Variants in PRPH2 observed in about 807,000 individuals in gnomAD.
PRPH2 encodes the protein peripherin 2.
Under a neutral mutation model 31.3 loss-of-function variants are expected in PRPH2, and 17 were observed. The observed-to-expected ratio is 0.54, with a 90% CI of 0.37 to 0.81. The LOEUF is 0.81. PRPH2 is among the 40% of genes least tolerant of loss of function. PRPH2 has a pLI of 0.00. For synonymous variants in PRPH2, 165 were observed against 184.4 expected, an observed-to-expected ratio of 0.89 and a Z score of 0.85; for missense variants, 430 against 439.7, an observed-to-expected ratio of 0.98 and a Z score of 0.20.
At chr6:42,717,674 T>A (rs1420479190) in intron 1 of PRPH2, among the ~76,000 whole-genome samples, 1 of 152,076 alleles carries the variant, frequency 6.6e-6, no homozygotes, top group Non-Finnish European at 1.5e-5. Flanking sequence ...AGAAAAAATT[T>A]TTTAGTTTTC....
At chr6:42,718,566 G>C (rs1352299652) in intron 1 of PRPH2, among the ~76,000 whole-genome samples, 1 of 152,086 alleles carries the variant, frequency 6.6e-6, no homozygotes, top group Non-Finnish European at 1.5e-5. Flanking sequence ...GGAAGAACAC[G>C]TAGCCCACTG....
At chr6:42,712,488 T>C (rs554419503) in intron 1 of PRPH2, among the ~76,000 whole-genome samples, 2 of 152,316 alleles carry the variant, frequency 1.3e-5, no homozygotes, top group Admixed American at 6.5e-5. Context: ...AAGGAAAGTA[T>C]GTCCAGGATT....
intron 1 of PRPH2, among the ~76,000 whole-genome samples, chr6:42,707,127 TG>T (rs1800183245): frequency 6.6e-6 from 1 of 152,106 alleles, no homozygotes; most frequent in South Asian, 2.1e-4. Context: ...CTGGAACTCC[TG>T]ATCTCGAGTG....
intron 2 of PRPH2, among the ~76,000 whole-genome samples, chr6:42,699,047 CTTTTTTTTTTTT>C (rs759173553): frequency 7.8e-5 from 3 of 38,552 alleles, no homozygotes; most frequent in African/African-American, 1.9e-4. Flanking sequence ...TGTGGTACTT[CTTTTTTTTTTTT>C]TTTTTTTTTT....
At chr6:42,715,054 C>CA (rs1761749154) in intron 1 of PRPH2, among the ~76,000 whole-genome samples, 1 of 151,722 alleles carries the variant, frequency 6.6e-6, no homozygotes, top group Non-Finnish European at 1.5e-5. Context: ...ACTAAAAATA[C>CA]AAAAATTAGC....
rs761246991 is a variant in PRPH2 at position 42,722,252 on chromosome 6, A to G, written c.83T>C (p.Val28Ala). ...QGLWLMNWFS[V>A]LAGIIIFSLG... Reference sequence around the variant, plus strand: ...GCTGAAGATGATGATGCCAGCCAACACGGAGAACCAGTTCATGAGCCAGAG... The same window carrying G: ...GCTGAAGATGATGATGCCAGCCAACGCGGAGAACCAGTTCATGAGCCAGAG... The change falls in exon 1 of 3, where the codon GTG becomes GCG. Residue 28 changes from valine to alanine, a missense_variant. Val to Ala is a moderately conservative substitution (Grantham distance 64). Coordinates refer to ENST00000230381, the MANE Select transcript of PRPH2 (RefSeq NM_000322.5). This position sits in a 1 kb window ranked among gnomAD's most constrained non-coding sequence, Gnocchi z 4.4. 6.2e-7 allele frequency: 1 copy of G among 1,614,188 alleles called. No homozygotes were observed. Among genetic ancestry groups the G allele is most frequent in the South Asian group, 1.1e-5 (1 of 91,082 alleles).
In PRPH2 at chr6:42,696,883, A is replaced by G. The variant is rs189840000; in HGVS notation, c.*1412T>C. The stretch of plus-strand genomic sequence containing the variant: ...CTTGGGGGAATTAAGCCCAGAACAT[A>G]CCCCAGCAGCACCAGAAGTCTTATT... On this transcript the variant is annotated 3_prime_UTR_variant, in exon 3 of 3. Transcript: ENST00000230381. 2 of 151,878 alleles carry G rather than the reference A, an allele frequency of 1.3e-5. No homozygotes were observed. The highest frequency in any genetic ancestry group is 1.5e-5 in the Non-Finnish European group (1 of 67,970). The allele number at this position is 151,878 out of a possible 1,614,324, so 9.4% of individuals were successfully genotyped here. A position where few individuals can be genotyped will look rare whatever the true frequency, so the allele number is the denominator to read the frequency against.
At chr6:42,710,226 G>A (rs1164779149) in intron 1 of PRPH2, among the ~76,000 whole-genome samples, 3 of 151,990 alleles carry the variant, frequency 2.0e-5, no homozygotes, top group African/African-American at 7.3e-5. Flanking sequence ...TGAGGACGGG[G>A]CTGTGTCTCC....
At chr6:42,706,285 G>A (rs2152005985) in intron 1 of PRPH2, among the ~76,000 whole-genome samples, 2 of 152,042 alleles carry the variant, frequency 1.3e-5, no homozygotes, top group Middle Eastern at 6.8e-3. Context: ...GGCTCTTGTA[G>A]TCCCAGATAC....
chr6:42,719,182 T>C (rs894301091), intron 1 of PRPH2, among the ~76,000 whole-genome samples: 2 of 144,076 alleles, frequency 1.4e-5, no homozygotes, highest in Non-Finnish European at 3.1e-5. Context: ...TTTTTTTTTT[T>C]CTTTGAGATC....
At chr6:42,707,524 A>C (rs1422702555) in intron 1 of PRPH2, among the ~76,000 whole-genome samples, 1 of 152,152 alleles carries the variant, frequency 6.6e-6, no homozygotes, top group African/African-American at 2.4e-5. Flanking sequence ...AGCCATGCTC[A>C]GGAGAACCTG....
At position 42,698,472 on chromosome 6, in the gene PRPH2, C is replaced by T. The variant is rs776760107; in HGVS notation, c.864G>A (p.Thr288=). 1.4e-5 allele frequency: 23 copies of T among 1,614,052 alleles called. No homozygotes were observed. In the South Asian group the frequency reaches 1.6e-4, roughly 12 times the overall value. ...TITIGLRYLQ[T]SLDGVSNPEE... is the part of the protein sequence containing the mutation. ...CGGGGTTGGACACACCATCCAGCGA[C>T]GTCTGTAGGTAGCGCAGCCCAATTG... Residue 288 remains threonine (T), a synonymous_variant, in exon 3 of 3, where the codon ACG becomes ACA. Transcript: ENST00000230381.
At chr6:42,707,542 C>A (rs1582767951) in intron 1 of PRPH2, among the ~76,000 whole-genome samples, 1 of 152,184 alleles carries the variant, frequency 6.6e-6, no homozygotes, top group Non-Finnish European at 1.5e-5. Context: ...CTGTCCTCCA[C>A]AGCCACATCC....
chr6:42,711,671 G>A lies in PRPH2; in HGVS notation c.582-7060C>T, dbSNP rs138718950. ...ACACAGCTCTCTTCAAAGAGTTCCC[G>A]TCTGAGAGGGGAGAAACCCCATAGA... is the stretch of plus-strand genomic sequence containing the variant. On this transcript the variant is annotated intron_variant, in intron 1 of 2. Coordinates refer to ENST00000230381, the MANE Select transcript of PRPH2 (RefSeq NM_000322.5). The A allele has an allele frequency of 3.2e-5, 26 of 824,882 alleles. No individual in the cohort carries two copies. The East Asian group carries it at 6.2e-4, about 20-fold the overall frequency. The allele number at this position is 824,882 out of a possible 1,614,324, so 51.1% of individuals were successfully genotyped here. A position where few individuals can be genotyped will look rare whatever the true frequency, so the allele number is the denominator to read the frequency against.
At chr6:42,701,194 G>A (rs2268687) in intron 2 of PRPH2, among the ~76,000 whole-genome samples, 40,538 of 151,500 alleles carry the variant, frequency 0.27, 5,599 homozygotes, top group East Asian at 0.45. Flanking sequence ...GCGTGATCTC[G>A]GCTCACCACA....
In PRPH2 at chr6:42,698,170, A is replaced by G. The variant is rs527375756; in HGVS notation, c.*125T>C. The G allele has an allele frequency of 1.5e-6, 2 of 1,304,524 alleles. No individual in the cohort carries two copies. The highest frequency in any genetic ancestry group is 2.9e-5 in the African/African-American group (2 of 67,984). The allele number at this position is 1,304,524 out of a possible 1,614,324, so 80.8% of individuals were successfully genotyped here. On this transcript the variant is annotated 3_prime_UTR_variant, in exon 3 of 3. Transcript: ENST00000230381. ...CTAAACTTAAATTCCACCGTCAGGGAGAGTCTCTGTAAGATGGTGCCCTCC... is the reference window on the plus strand; with the variant it reads ...CTAAACTTAAATTCCACCGTCAGGGGGAGTCTCTGTAAGATGGTGCCCTCC...
At chr6:42,701,464 T>A (rs1426856306) in intron 2 of PRPH2, among the ~76,000 whole-genome samples, 1 of 151,832 alleles carries the variant, frequency 6.6e-6, no homozygotes, top group East Asian at 1.9e-4. Context: ...CTTGCTATGT[T>A]GCCTGGGCTG....
intron 1 of PRPH2, among the ~76,000 whole-genome samples, 169 bp from the exon 2 acceptor site, chr6:42,704,780 A>C (rs898272253): frequency 6.6e-6 from 1 of 152,182 alleles, no homozygotes. Context: ...CGCTGAAGAC[A>C]AAAAAATGAA....
chr6:42,699,561 C>T (rs1278144428), intron 2 of PRPH2, among the ~76,000 whole-genome samples: 3 of 152,048 alleles, frequency 2.0e-5, no homozygotes, highest in Non-Finnish European at 4.4e-5. Context: ...GTGCCCACCC[C>T]GTGTGGATAC....
Sources: gnomAD v4.1 joint callset for allele counts (sites outside exome capture counted in the v4.1 genomes callset) on GRCh38, gnomAD v4.1.1 for gene constraint, Gnocchi (gnomAD v3.1) non-coding constraint, MANE v1.5 for transcripts, NCBI Gene and HGNC (gene_info 2026-07-23, HGNC 2026-07-21) for gene names.